SGPP1: variants seen among roughly 807,000 people sequenced by gnomAD.
SGPP1 encodes sphingosine-1-phosphate phosphatase 1.
SGPP1 carries 21 observed loss-of-function variants against 33.0 expected under a neutral mutation model. That is an observed-to-expected ratio of 0.64 (90% CI 0.45 to 0.92). SGPP1 has a LOEUF of 0.92. SGPP1 is among the 40% of genes least tolerant of loss of function. The probability of loss-of-function intolerance (pLI) is 0.00; values close to 1 mark genes in which losing one functional copy is unlikely to be tolerated. For missense variants in SGPP1, 543 were observed against 589.4 expected (o/e 0.92, Z 0.81); for synonymous variants, 239 against 241.2 (o/e 0.99, Z 0.08).
intron 1 of SGPP1, among the ~76,000 whole-genome samples, chr14:63,706,268 G>T (rs1354141756): frequency 6.6e-6 from 1 of 152,118 alleles, no homozygotes; most frequent in African/African-American, 2.4e-5. Flanking sequence ...CCAGAAGTCA[G>T]GGGGAGAGAG....
intron 1 of SGPP1, among the ~76,000 whole-genome samples, chr14:63,726,689 T>C (rs2139658779): frequency 6.6e-6 from 1 of 152,292 alleles, no homozygotes; most frequent in Admixed American, 6.5e-5. Context: ...CCACACCCCT[T>C]AAAAACAGAA....
chr14:63,727,578 C>G lies in SGPP1; in HGVS notation c.367G>C (p.Val123Leu), dbSNP rs760625367. 1 of 1,596,492 alleles carries G rather than the reference C, an allele frequency of 6.3e-7. No individual in the cohort carries two copies. Among genetic ancestry groups the G allele is most frequent in the African/African-American group, 1.4e-5 (1 of 73,906 alleles). ...LTGEEGQLARVSNWPLYCLFC... is the reference protein window; with the variant it reads ...LTGEEGQLARLSNWPLYCLFC... The stretch of plus-strand genomic sequence containing the variant: ...AGGCAGTAGAGCGGCCAGTTGCTCA[C>G]GCGGGCCAGCTGGCCCTCCTCGCCC... Residue 123 changes from valine to leucine, a missense_variant, in exon 1 of 3, where the codon GTG becomes CTG. Transcript: ENST00000247225.
At chr14:63,714,105 C>G (rs1885573927) in intron 1 of SGPP1, among the ~76,000 whole-genome samples, 1 of 152,240 alleles carries the variant, frequency 6.6e-6, no homozygotes. Context: ...AGCAACCACC[C>G]AGATCCTGAG....
chr14:63,697,937 C>T (rs555109020), intron 2 of SGPP1, among the ~76,000 whole-genome samples: 8 of 152,294 alleles, frequency 5.3e-5, no homozygotes, highest in South Asian at 2.1e-4. Context: ...AATTAAGATG[C>T]TATCACAGTA....
intron 1 of SGPP1, among the ~76,000 whole-genome samples, chr14:63,723,307 C>T (rs987474497): frequency 2.6e-5 from 4 of 151,978 alleles, no homozygotes; most frequent in African/African-American, 9.7e-5. Flanking sequence ...TTATTTAATC[C>T]TTGGGAAAAG....
intron 1 of SGPP1, among the ~76,000 whole-genome samples, chr14:63,719,960 CAA>C (rs767407041): frequency 2.5e-4 from 26 of 105,834 alleles, no homozygotes; most frequent in Admixed American, 3.9e-4. Flanking sequence ...ACTGAAAATA[CAA>C]AAAAAAAAAA....
chr14:63,701,573 A>G (rs1885300454), intron 1 of SGPP1, among the ~76,000 whole-genome samples: 1 of 152,152 alleles, frequency 6.6e-6, no homozygotes, highest in Non-Finnish European at 1.5e-5. Context: ...GTTTCTGATC[A>G]CCAAGTATGA....
Position 63,727,556 on chromosome 14 carries a change from C to G in SGPP1, c.389G>C (p.Cys130Ser). The change falls in exon 1 of 3, where the codon TGC becomes TCC. Residue 130 changes from cysteine to serine, a missense_variant. By Grantham distance (112) the Cys-to-Ser change is moderately radical (BLOSUM62 -1). Coordinates refer to ENST00000247225, the MANE Select transcript of SGPP1 (RefSeq NM_030791.4). Reference protein sequence around the residue: ...LARVSNWPLYCLFCFGTELGN... With the variant: ...LARVSNWPLYSLFCFGTELGN... ...CAGCTCCGTGCCGAAGCAGAACAGGCAGTAGAGCGGCCAGTTGCTCACGCG... is the reference window on the plus strand; with the variant it reads ...CAGCTCCGTGCCGAAGCAGAACAGGGAGTAGAGCGGCCAGTTGCTCACGCG... 7 of 1,609,960 alleles carry G rather than the reference C, an allele frequency of 4.3e-6. No homozygotes were observed. The highest frequency in any genetic ancestry group is 5.9e-6 in the Non-Finnish European group (7 of 1,178,646).
intron 1 of SGPP1, among the ~76,000 whole-genome samples, chr14:63,706,153 T>G (rs1228087487): frequency 6.6e-6 from 1 of 152,212 alleles, no homozygotes; most frequent in Non-Finnish European, 1.5e-5. Context: ...AAAAACATTA[T>G]GTTAAGTGAA....
chr14:63,708,067 T>C (rs1054666711), intron 1 of SGPP1, among the ~76,000 whole-genome samples: 1 of 152,152 alleles, frequency 6.6e-6, no homozygotes, highest in Non-Finnish European at 1.5e-5. Flanking sequence ...TTCTATTTTA[T>C]AAAAAGTCAG....
Position 63,727,776 on chromosome 14 carries a change from C to G in SGPP1, c.169G>C (p.Gly57Arg). ...CCTCCAGGCGCCCCTGGCTGCCGCC[C>G]TCGCAGTCGAGGGTCTCCGGCGAGA... ...APLAGDPRLR[G>R]RQPGAPGGPQ... The change falls in exon 1 of 3, where the codon GGG becomes CGG. Residue 57 changes from glycine (G) to arginine (R), a missense_variant. By Grantham distance (125) the Gly-to-Arg change is moderately radical. Transcript: ENST00000247225. The G allele has an allele frequency of 8.7e-6, 13 of 1,497,578 alleles. No homozygotes were observed. Among genetic ancestry groups the G allele is most frequent in the Admixed American group, 2.1e-5 (1 of 47,418 alleles). The allele number at this position is 1,497,578 out of a possible 1,614,324, so 92.8% of individuals were successfully genotyped here. A position where few individuals can be genotyped will look rare whatever the true frequency, so the allele number is the denominator to read the frequency against.
chr14:63,725,412 A>C lies in SGPP1; in HGVS notation c.684+1849T>G, dbSNP rs573093047. ...AGAACAACTAACCGAAAAATCATGC[A>C]AATTTAGAGTGAAAAAATGTAAAAT... On this transcript the variant is annotated intron_variant, in intron 1 of 2. Coordinates refer to ENST00000247225, the MANE Select transcript of SGPP1 (RefSeq NM_030791.4). Among the ~76,000 whole-genome samples the C allele has an allele frequency of 2.0e-5, 3 of 152,362 alleles. No homozygotes were observed. In the South Asian group the frequency reaches 6.2e-4, roughly 32 times the overall value.
Position 63,727,442 on chromosome 14 carries a change from A to AGGTGACTGG in SGPP1, c.502_503insCCAGTCACC (p.Val168delinsAlaSerHisLeu). 3 of 1,613,994 alleles carry AGGTGACTGG rather than the reference A, an allele frequency of 1.9e-6. No homozygotes were observed. The highest frequency in any genetic ancestry group is 1.7e-6 in the Non-Finnish European group (2 of 1,180,008). On this transcript the variant is annotated protein_altering_variant, in exon 1 of 3. Coordinates refer to ENST00000247225, the MANE Select transcript of SGPP1 (RefSeq NM_030791.4). Reference sequence around the variant, plus strand: ...GCACTGGCCCAGGTACATGACCAGCACCCAGATGACCACGAGCCTCCGGCC... The same window carrying AGGTGACTGG: ...GCACTGGCCCAGGTACATGACCAGCAGGTGACTGGCCCAGATGACCACGAGCCTCCGGCC...
intron 1 of SGPP1, among the ~76,000 whole-genome samples, chr14:63,725,884 C>T (rs2092589270): frequency 6.6e-6 from 1 of 152,166 alleles, no homozygotes; most frequent in African/African-American, 2.4e-5. Flanking sequence ...GCTAACATCA[C>T]CAGGCCAAAC....
At position 63,688,341 on chromosome 14, in the gene SGPP1, AAAT is replaced by A. The variant is rs1478148582; in HGVS notation, c.775-1688_775-1686del. The stretch of plus-strand genomic sequence containing the variant: ...AAAAAAAAAAAAAAAAAAAAAAAAA[AAAT>A]TTTAAAAGAATTGACAACTGTAACT... On this transcript the variant is annotated intron_variant, in intron 2 of 2. Transcript: ENST00000247225. Among the ~76,000 whole-genome samples the A allele has an allele frequency of 4.2e-3, 631 of 148,544 alleles. 3 individuals are homozygous for A. The highest frequency in any genetic ancestry group is 0.015 in the African/African-American group (589 of 39,342).
At chr14:63,712,586 T>G (rs1238301878) in intron 1 of SGPP1, among the ~76,000 whole-genome samples, 1 of 152,212 alleles carries the variant, frequency 6.6e-6, no homozygotes, top group Admixed American at 6.5e-5. Context: ...TGTGCTTGAA[T>G]TTATAAAAAT....
At chr14:63,723,575 C>T (rs113285509) in intron 1 of SGPP1, among the ~76,000 whole-genome samples, 8 of 151,892 alleles carry the variant, frequency 5.3e-5, no homozygotes, top group African/African-American at 1.4e-4. Context: ...AAACATTAGC[C>T]GGGGGTGGTG....
intron 1 of SGPP1, among the ~76,000 whole-genome samples, chr14:63,712,917 CAAA>C (rs56797705): frequency 4.7e-5 from 3 of 63,738 alleles, no homozygotes; most frequent in African/African-American, 4.8e-5. Flanking sequence ...AACTCTGTCT[CAAA>C]AAAAAAAAAA....
intron 2 of SGPP1, among the ~76,000 whole-genome samples, chr14:63,687,229 C>T (rs1307620298): frequency 1.3e-5 from 2 of 151,994 alleles, no homozygotes; most frequent in Non-Finnish European, 2.9e-5. Context: ...TCACTTGAGG[C>T]CAGGAGTTCA....
Sources: gnomAD v4.1 joint callset for allele counts (sites outside exome capture counted in the v4.1 genomes callset) on GRCh38, gnomAD v4.1.1 for gene constraint, MANE v1.5 for transcripts, NCBI Gene and HGNC (gene_info 2026-07-23, HGNC 2026-07-21) for gene names.